MAGI3: variants seen among roughly 807,000 people sequenced by gnomAD.
MAGI3 encodes membrane associated guanylate kinase, WW and PDZ domain containing 3, also known as membrane-associated guanylate kinase, WW and PDZ domain-containing protein 3.
MAGI3 carries 43 observed loss-of-function variants against 121.8 expected under a neutral mutation model. The ratio of observed to expected loss-of-function variants is 0.35; its 90% CI spans 0.28 to 0.46. The LOEUF is 0.46. MAGI3 is among the 20% of genes least tolerant of loss of function. The pLI, the probability that MAGI3 is intolerant of heterozygous loss-of-function variation, is 1.00. For synonymous variants in MAGI3, 553 were observed against 639.3 expected (o/e 0.86, Z 2.04); for missense variants, 1,547 against 1,797.3 (o/e 0.86, Z 2.52).
intron 1 of MAGI3, among the ~76,000 whole-genome samples, chr1:113,525,160 T>C (rs532176283): frequency 3.2e-4 from 49 of 152,334 alleles, no homozygotes; most frequent in African/African-American, 1.1e-3. Context: ...AGTCTCAGGT[T>C]ATGTCTTTAT....
At chr1:113,522,276 T>G (rs2359413) in intron 1 of MAGI3, among the ~76,000 whole-genome samples, 22,934 of 152,208 alleles carry the variant, frequency 0.15, 2,755 homozygotes, top group East Asian at 0.63. Context: ...AGCTAATTTT[T>G]GTATTTTTAG....
chr1:113,549,425 A>AT, intron 1 of MAGI3, 90 bp from the exon 2 acceptor site: 1 of 652,470 alleles, frequency 1.5e-6, no homozygotes, highest in South Asian at 2.2e-5. Flanking sequence ...TAACTGGTTT[A>AT]AGAGTATTCA....
At chr1:113,406,171 G>A (rs949699166) in intron 1 of MAGI3, among the ~76,000 whole-genome samples, 1 of 151,584 alleles carries the variant, frequency 6.6e-6, no homozygotes, top group Non-Finnish European at 1.5e-5. Context: ...GGACATGATG[G>A]CTCACATCTG....
rs193055919 is a variant in MAGI3 at position 113,609,945 on chromosome 1, C to G, written c.1019-4656C>G. On this transcript the variant is annotated intron_variant, in intron 6 of 20. Transcript: ENST00000307546. Reference sequence around the variant, plus strand: ...CATAGTTTTTATACTATCTTTTCCACAAGCAAATTTTTGTTTTAAGTCATC... The same window carrying G: ...CATAGTTTTTATACTATCTTTTCCAGAAGCAAATTTTTGTTTTAAGTCATC... Among the ~76,000 whole-genome samples the G allele has an allele frequency of 3.1e-3, 475 of 152,258 alleles. 3 individuals are homozygous for G. Among genetic ancestry groups the G allele is most frequent in the African/African-American group, 0.011 (443 of 41,550 alleles).
In MAGI3 at chr1:113,585,550, G is replaced by A. The variant is rs984468726; in HGVS notation, c.717G>A (p.Glu239=). The A allele has an allele frequency of 2.5e-6, 4 of 1,614,014 alleles. No homozygotes were observed. The African/African-American group carries it at 4.0e-5, about 16-fold the overall frequency. ...MERMDSSLPE[E]EEDEDKEAIN... is the part of the protein sequence containing the mutation. The stretch of plus-strand genomic sequence containing the variant: ...GAATGGATAGCTCTCTTCCTGAAGA[G>A]GAAGAAGATGAGGACAAGGAAGCTA... Residue 239 remains glutamate, a synonymous_variant, in exon 4 of 21, where the codon GAG becomes GAA. Coordinates refer to ENST00000307546, the MANE Select transcript of MAGI3 (RefSeq NM_001142782.2).
In MAGI3 at chr1:113,568,421, C is replaced by T. The variant is rs191251873; in HGVS notation, c.434-12121C>T. ...CAGTATGGCAAAGATACCAGTTCTG[C>T]TCAAATTGACTTGTAGATTCAATGT... On this transcript the variant is annotated intron_variant, in intron 2 of 20. Transcript: ENST00000307546. Among the ~76,000 whole-genome samples the T allele has an allele frequency of 3.1e-3, 467 of 152,128 alleles. 1 individual carries two copies. Among genetic ancestry groups the T allele is most frequent in the Admixed American group, 5.3e-3 (81 of 15,270 alleles).
chr1:113,584,791 A>G (rs558316961), intron 3 of MAGI3, among the ~76,000 whole-genome samples: 2 of 152,260 alleles, frequency 1.3e-5, no homozygotes, highest in South Asian at 4.1e-4. Context: ...GTAGGAATGA[A>G]TAATCTACTT....
At chr1:113,614,113 T>C (rs1370276954) in intron 6 of MAGI3, among the ~76,000 whole-genome samples, 1 of 152,158 alleles carries the variant, frequency 6.6e-6, no homozygotes, top group Non-Finnish European at 1.5e-5. Context: ...GCAGGTACTT[T>C]TGTAGGTTTT....
chr1:113,580,513 A>T (rs1299673565), intron 2 of MAGI3, 29 bp from the exon 3 acceptor site: 3 of 1,584,596 alleles, frequency 1.9e-6, no homozygotes, highest in Admixed American at 3.7e-5. Context: ...AGTACTTTAC[A>T]ACCTACTTTT....
intron 9 of MAGI3, 126 bp downstream of exon 9, chr1:113,623,120 A>G (rs1650942973): frequency 1.5e-6 from 1 of 682,416 alleles, no homozygotes; most frequent in African/African-American, 1.9e-5. Context: ...AGATTCCAGT[A>G]TTAAAATAGT....
At chr1:113,601,378 AAAAAC>A (rs1249886614) in intron 6 of MAGI3, among the ~76,000 whole-genome samples, 1 of 140,052 alleles carries the variant, frequency 7.1e-6, no homozygotes, top group East Asian at 3.5e-4. Context: ...TTTACAAGAA[AAAAAC>A]AAACAACCCC....
intron 1 of MAGI3, among the ~76,000 whole-genome samples, chr1:113,398,658 A>G (rs1372400543): frequency 2.0e-5 from 3 of 152,152 alleles, no homozygotes; most frequent in Admixed American, 2.0e-4. Flanking sequence ...ACATAATGGC[A>G]TTTAACAGAA....
At chr1:113,670,394 G>T (rs1647468128) in intron 16 of MAGI3, among the ~76,000 whole-genome samples, 1 of 152,196 alleles carries the variant, frequency 6.6e-6, no homozygotes, top group African/African-American at 2.4e-5. Flanking sequence ...AAATAGTGAT[G>T]CATGTATTGT....
chr1:113,489,175 C>CG (rs879442114), intron 1 of MAGI3, among the ~76,000 whole-genome samples: 3 of 151,702 alleles, frequency 2.0e-5, no homozygotes, highest in Admixed American at 6.6e-5. Context: ...TTAGGCCCCC[C>CG]CCGACCCCAG....
chr1:113,449,667 A>C, intron 1 of MAGI3: 1 of 764,724 alleles, frequency 1.3e-6, no homozygotes, highest in Non-Finnish European at 2.4e-6. Context: ...TCGATATTGA[A>C]CTCGAGTTGG....
chr1:113,405,719 C>CCTCAACTTCTCTGCGGCTCAG (rs1651648681), intron 1 of MAGI3, among the ~76,000 whole-genome samples: 1 of 152,052 alleles, frequency 6.6e-6, no homozygotes, highest in African/African-American at 2.4e-5. Flanking sequence ...CTGTGGCTCA[C>CCTCAACTTCTCTGCGGCTCAG]AACCTCAACT....
chr1:113,638,838 G>A (rs1002359892), intron 9 of MAGI3, among the ~76,000 whole-genome samples: 1 of 152,236 alleles, frequency 6.6e-6, no homozygotes, highest in African/African-American at 2.4e-5. Flanking sequence ...CCCCAGAGGT[G>A]GAGCCTACAG....
chr1:113,679,103 C>T (rs1253128402), intron 19 of MAGI3, among the ~76,000 whole-genome samples: 1 of 151,948 alleles, frequency 6.6e-6, no homozygotes, highest in Non-Finnish European at 1.5e-5. Context: ...ATTTTTTCAA[C>T]TTTTTTTTAA....
intron 12 of MAGI3, among the ~76,000 whole-genome samples, chr1:113,647,072 G>A (rs902842250): frequency 1.3e-5 from 2 of 152,240 alleles, no homozygotes; most frequent in African/African-American, 4.8e-5. Flanking sequence ...GCAGTAGGAA[G>A]TGTCAGGAAA....
Sources: allele counts gnomAD v4.1 joint callset (sites outside exome capture counted in the v4.1 genomes callset), GRCh38; gene constraint gnomAD v4.1.1; transcripts MANE v1.5; gene names NCBI Gene and HGNC (gene_info 2026-07-23, HGNC 2026-07-21).